PTPRN2: variants seen among roughly 807,000 people sequenced by gnomAD.
The protein encoded by PTPRN2 is protein tyrosine phosphatase receptor type N2.
In PTPRN2, 74 loss-of-function variants were observed where a neutral mutation model predicts 118.8. That is an observed-to-expected ratio of 0.62 (90% CI 0.52 to 0.76). The LOEUF is 0.76. PTPRN2 is among the 30% of genes least tolerant of loss of function. The pLI is 0.00. For synonymous variants in PTPRN2, 641 were observed against 608.0 expected, an observed-to-expected ratio of 1.05 and a Z score of -0.80; for missense variants, 1,481 against 1,394.4, an observed-to-expected ratio of 1.06 and a Z score of -0.99.
At position 158,570,475 on chromosome 7, in the gene PTPRN2, C is replaced by T. The variant is rs747166489; in HGVS notation, c.112+17083G>A. Among the ~76,000 whole-genome samples, 9 of 152,192 alleles carry T rather than the reference C, an allele frequency of 5.9e-5. No individual in the cohort carries two copies. The East Asian group carries it at 1.3e-3, about 23-fold the overall frequency. On this transcript the variant is annotated intron_variant, in intron 1 of 22. Transcript: ENST00000389418. The surrounding 1 kb of genome is among the most constrained non-coding windows in gnomAD (Gnocchi z 4.5). Reference sequence around the variant, plus strand: ...AGACGGACTCTGCACCGTGAGAAAGCGGCTTCGGCAGCTCCGACCCCTCAA... The same window carrying T: ...AGACGGACTCTGCACCGTGAGAAAGTGGCTTCGGCAGCTCCGACCCCTCAA...
chr7:158,472,380 A>T (rs1451420560), intron 2 of PTPRN2, among the ~76,000 whole-genome samples: 1 of 152,214 alleles, frequency 6.6e-6, no homozygotes, highest in Non-Finnish European at 1.5e-5. Flanking sequence ...TCATCTGTTA[A>T]ATGAGAACAA....
chr7:158,376,524 G>C (rs1376749386), intron 2 of PTPRN2, among the ~76,000 whole-genome samples: 5 of 125,666 alleles, frequency 4.0e-5, no homozygotes, highest in South Asian at 2.9e-4. Flanking sequence ...CGTCCTGAGA[G>C]GGGGGTCAGG....
chr7:157,809,368 AG>A (rs1248368286), intron 12 of PTPRN2, among the ~76,000 whole-genome samples: 3 of 151,684 alleles, frequency 2.0e-5, no homozygotes, highest in Admixed American at 6.6e-5. Context: ...CTGGCCCTGG[AG>A]GGGGCTCAGC....
chr7:158,373,852 G>C (rs926495993), intron 2 of PTPRN2, among the ~76,000 whole-genome samples: 1 of 152,124 alleles, frequency 6.6e-6, no homozygotes, highest in African/African-American at 2.4e-5. Flanking sequence ...TCTCTGGATG[G>C]GAGTGTGGGG....
chr7:157,913,189 G>A (rs1798194779), intron 11 of PTPRN2, among the ~76,000 whole-genome samples: 2 of 152,050 alleles, frequency 1.3e-5, no homozygotes, highest in East Asian at 1.9e-4. Context: ...TTTTAAATGA[G>A]TATCATTTTT....
At chr7:158,474,599 C>T (rs1037761474) in intron 2 of PTPRN2, among the ~76,000 whole-genome samples, 7 of 152,230 alleles carry the variant, frequency 4.6e-5, no homozygotes, top group Non-Finnish European at 7.3e-5. Flanking sequence ...CAGAGTCAAC[C>T]GCCCAGCAGA....
At chr7:158,486,933 C>T (rs1821072420) in intron 2 of PTPRN2, among the ~76,000 whole-genome samples, 1 of 152,228 alleles carries the variant, frequency 6.6e-6, no homozygotes, top group Non-Finnish European at 1.5e-5. Context: ...CACTGACACC[C>T]CAACTGTCCC....
At chr7:158,034,472 A>AG (rs930891304) in intron 11 of PTPRN2, among the ~76,000 whole-genome samples, 5 of 152,150 alleles carry the variant, frequency 3.3e-5, no homozygotes, top group Non-Finnish European at 7.4e-5. Context: ...TGGTTTTATA[A>AG]GGGGGAGTTT....
intron 12 of PTPRN2, among the ~76,000 whole-genome samples, chr7:157,876,124 C>T (rs1584931230): frequency 6.6e-6 from 1 of 152,348 alleles, no homozygotes; most frequent in East Asian, 1.9e-4. Context: ...GCAAACAATG[C>T]AGTCCACGCT....
At chr7:158,253,795 G>A (rs930913718) in intron 3 of PTPRN2, among the ~76,000 whole-genome samples, 2 of 152,238 alleles carry the variant, frequency 1.3e-5, no homozygotes, top group Admixed American at 6.5e-5. Flanking sequence ...GAGCAGGCTC[G>A]CAGAAGTCGA....
intron 11 of PTPRN2, among the ~76,000 whole-genome samples, chr7:158,049,294 T>C (rs62480166): frequency 0.43 from 65,585 of 151,954 alleles, 15,087 homozygotes; most frequent in Non-Finnish European, 0.53. Flanking sequence ...TCTCCCATCA[T>C]TCCCCCAGCC....
In PTPRN2 at chr7:157,669,506, C is replaced by T. The variant is rs377535990; in HGVS notation, c.2002-12955G>A. On this transcript the variant is annotated intron_variant, in intron 13 of 22. Coordinates refer to ENST00000389418, the MANE Select transcript of PTPRN2 (RefSeq NM_002847.5). The stretch of plus-strand genomic sequence containing the variant: ...CCACAGAGCTCTGCAGGCCCCTCCC[C>T]GCTCCTGACACACGACGACACCCAG... 1,213 of 480,114 alleles carry T rather than the reference C, an allele frequency of 2.5e-3. 15 individuals carry two copies. The highest frequency in any genetic ancestry group is 0.017 in the African/African-American group (889 of 50,942). The allele number at this position is 480,114 out of a possible 1,614,324, so 29.7% of individuals were successfully genotyped here.
rs111495583 is a variant in PTPRN2 at position 157,785,268 on chromosome 7, C to G, written c.1789-102331G>C. Among the ~76,000 whole-genome samples the G allele has an allele frequency of 6.6e-6, 1 of 152,156 alleles. No individual in the cohort carries two copies. Among genetic ancestry groups the G allele is most frequent in the Admixed American group, 6.5e-5 (1 of 15,284 alleles). The stretch of plus-strand genomic sequence containing the variant: ...GGGGTGCGGCCTGCCCTGTCTGGGG[C>G]GCCAAGGCCAGTGGTGTAAATCCAC... On this transcript the variant is annotated intron_variant, in intron 12 of 22. Coordinates refer to ENST00000389418, the MANE Select transcript of PTPRN2 (RefSeq NM_002847.5). This position sits in a 1 kb window ranked among gnomAD's most constrained non-coding sequence, Gnocchi z 7.3.
At chr7:158,505,824 G>A (rs1161252850) in intron 1 of PTPRN2, among the ~76,000 whole-genome samples, 1 of 152,198 alleles carries the variant, frequency 6.6e-6, no homozygotes, top group South Asian at 2.1e-4. Flanking sequence ...TCCTTAAGGG[G>A]TTCAATGTGG....
At chr7:158,499,384 C>G (rs1563363365) in intron 1 of PTPRN2, among the ~76,000 whole-genome samples, 1 of 152,210 alleles carries the variant, frequency 6.6e-6, no homozygotes, top group South Asian at 2.1e-4. Context: ...AAATTGAAAA[C>G]TTGGGTCAGC....
At chr7:158,538,239 C>T (rs990149371) in intron 1 of PTPRN2, among the ~76,000 whole-genome samples, 5 of 152,224 alleles carry the variant, frequency 3.3e-5, no homozygotes, top group Non-Finnish European at 5.9e-5. Flanking sequence ...CTCGACGTAG[C>T]CCACAGCCAG....
intron 12 of PTPRN2, among the ~76,000 whole-genome samples, chr7:157,744,641 C>T (rs1454029563): frequency 6.6e-6 from 1 of 152,188 alleles, no homozygotes; most frequent in Non-Finnish European, 1.5e-5. Context: ...TAGTAAGAGT[C>T]TGCTGTTTTC....
intron 15 of PTPRN2, among the ~76,000 whole-genome samples, chr7:157,620,607 A>C (rs1803105882): frequency 6.6e-6 from 1 of 152,242 alleles, no homozygotes; most frequent in Non-Finnish European, 1.5e-5. Context: ...TGGAGGCTCC[A>C]AGAGGTTCAG....
intron 3 of PTPRN2, among the ~76,000 whole-genome samples, chr7:158,221,652 T>G (rs1828382957): frequency 6.6e-6 from 1 of 152,048 alleles, no homozygotes; most frequent in Admixed American, 6.5e-5. Flanking sequence ...GCGGAAAGGG[T>G]TTCCTTCGGA....
Sources: gnomAD v4.1 joint callset for allele counts (sites outside exome capture counted in the v4.1 genomes callset) on GRCh38, gnomAD v4.1.1 for gene constraint, Gnocchi (gnomAD v3.1) non-coding constraint, MANE v1.5 for transcripts, NCBI Gene and HGNC (gene_info 2026-07-23, HGNC 2026-07-21) for gene names.